The following DAPP1 variants were observed in gnomAD, a reference collection of about 807,000 sequenced individuals.
DAPP1 encodes dual adaptor of phosphotyrosine and 3-phosphoinositides 1.
A neutral mutation model predicts 41.5 loss-of-function variants in DAPP1; 20 were observed. The observed-to-expected ratio is 0.48, with a 90% CI of 0.34 to 0.70. DAPP1 has a LOEUF of 0.70. DAPP1 is among the 30% of genes least tolerant of loss of function. DAPP1 has a pLI of 0.01. For synonymous variants in DAPP1, 113 were observed against 116.2 expected (o/e 0.97, Z 0.18); for missense variants, 233 against 333.4 (o/e 0.70, Z 2.35).
At chr4:99,861,701 A>T in intron 5 of DAPP1, 76 bp downstream of exon 5, 1 of 1,485,224 alleles carries the variant, frequency 6.7e-7, no homozygotes, top group South Asian at 1.2e-5. Context: ...TCTCATCTTG[A>T]TAGTTTTTCT....
intron 3 of DAPP1, among the ~76,000 whole-genome samples, chr4:99,848,484 C>T (rs1723747059): frequency 6.6e-6 from 1 of 151,978 alleles, no homozygotes; most frequent in East Asian, 1.9e-4. Context: ...ATGCCTCGGC[C>T]TCCCAAAGTG....
intron 2 of DAPP1, among the ~76,000 whole-genome samples, chr4:99,838,140 A>C (rs1027186678): frequency 6.6e-6 from 1 of 152,212 alleles, no homozygotes; most frequent in Non-Finnish European, 1.5e-5. Context: ...TCTTCCAAAA[A>C]TGAAAAGTTA....
At chr4:99,860,795 G>A (rs1724210399) in intron 4 of DAPP1, among the ~76,000 whole-genome samples, 2 of 152,118 alleles carry the variant, frequency 1.3e-5, no homozygotes, top group Non-Finnish European at 2.9e-5. Context: ...ATTCTACCAC[G>A]AATTGAATTT....
chr4:99,864,007 C>A, intron 7 of DAPP1, 152 bp downstream of exon 7: 1 of 555,788 alleles, frequency 1.8e-6, no homozygotes, highest in Non-Finnish European at 3.1e-6. Flanking sequence ...CTGAGTGTGA[C>A]ATAACACCTC....
chr4:99,832,395 A>G (rs1723156945), intron 1 of DAPP1, among the ~76,000 whole-genome samples: 2 of 152,260 alleles, frequency 1.3e-5, no homozygotes, highest in Non-Finnish European at 2.9e-5. Flanking sequence ...AGAATGTTCC[A>G]GGAAAGGAAT....
At chr4:99,820,925 A>G (rs956563378) in intron 1 of DAPP1, among the ~76,000 whole-genome samples, 1 of 152,254 alleles carries the variant, frequency 6.6e-6, no homozygotes, top group African/African-American at 2.4e-5. Context: ...AGTCCATACT[A>G]AAACAGGTGT....
rs905249772 is a variant in DAPP1 at position 99,868,240 on chromosome 4, A to G, written c.*55A>G. 2 of 1,464,320 alleles carry G rather than the reference A, an allele frequency of 1.4e-6. No individual in the cohort carries two copies. The highest frequency in any genetic ancestry group is 3.4e-5 in the Admixed American group (2 of 59,092). 90.7% of individuals were successfully genotyped at this position (1,464,320 alleles called of 1,614,324 possible). A position where few individuals can be genotyped will look rare whatever the true frequency, so the allele number is the denominator to read the frequency against. ...AGGAGCAAGGTGGAATGTTTCCCTG[A>G]CGCTGTGATCTGCAGCAGGCTTCAA... On this transcript the variant is annotated 3_prime_UTR_variant, in exon 9 of 9. Coordinates refer to ENST00000512369, the MANE Select transcript of DAPP1 (RefSeq NM_014395.3).
intron 1 of DAPP1, among the ~76,000 whole-genome samples, chr4:99,832,969 G>A (rs574871600): frequency 2.0e-5 from 3 of 152,306 alleles, no homozygotes; most frequent in Admixed American, 2.0e-4. Context: ...AGAATCCAAA[G>A]GAATGTCCAA....
intron 3 of DAPP1, among the ~76,000 whole-genome samples, chr4:99,850,176 G>A (rs935722681): frequency 4.3e-4 from 65 of 152,368 alleles, no homozygotes; most frequent in African/African-American, 1.4e-3. Context: ...TTGGGAGGCC[G>A]AGGCGGGTGG....
intron 1 of DAPP1, among the ~76,000 whole-genome samples, chr4:99,832,378 G>T (rs1723156406): frequency 6.6e-6 from 1 of 152,230 alleles, no homozygotes; most frequent in African/African-American, 2.4e-5. Context: ...TGAAAGAAAT[G>T]CTCATCAGAA....
chr4:99,871,802 A>G (rs1724633397), downstream of DAPP1, among the ~76,000 whole-genome samples: 1 of 152,180 alleles, frequency 6.6e-6, no homozygotes, highest in African/African-American at 2.4e-5. Context: ...TTCGGAGCAC[A>G]TTCTTGACTG....
chr4:99,866,725 A>G (rs1724473406), intron 8 of DAPP1: 4 of 574,554 alleles, frequency 7.0e-6, no homozygotes, highest in South Asian at 4.3e-5. Flanking sequence ...AAAATTTCCT[A>G]TAAATACCAT....
intron 3 of DAPP1, among the ~76,000 whole-genome samples, chr4:99,848,926 G>A (rs1473364796): frequency 6.6e-6 from 1 of 152,142 alleles, no homozygotes; most frequent in Non-Finnish European, 1.5e-5. Context: ...ATACTGGGAG[G>A]TACAATCTCT....
chr4:99,862,381 A>G (rs1279410111), intron 5 of DAPP1, among the ~76,000 whole-genome samples: 1 of 152,304 alleles, frequency 6.6e-6, no homozygotes, highest in East Asian at 1.9e-4. Context: ...CTGTTTGTAT[A>G]TAAGAAGGTA....
At chr4:99,819,996 G>C (rs1722710682) in intron 1 of DAPP1, among the ~76,000 whole-genome samples, 1 of 152,168 alleles carries the variant, frequency 6.6e-6, no homozygotes, top group Admixed American at 6.5e-5. Context: ...CTCATTTATA[G>C]AGTGTCAGCC....
chr4:99,835,222 C>T (rs188634593), intron 1 of DAPP1, among the ~76,000 whole-genome samples: 3 of 152,032 alleles, frequency 2.0e-5, no homozygotes, highest in African/African-American at 2.4e-5. Context: ...TTGGCCGGGC[C>T]GGTCTCGAAC....
chr4:99,856,095 A>T (rs1469839036), intron 4 of DAPP1, among the ~76,000 whole-genome samples: 1 of 152,016 alleles, frequency 6.6e-6, no homozygotes, highest in Non-Finnish European at 1.5e-5. Context: ...TATTAAACAA[A>T]CTTTTTTTTT....
chr4:99,853,131 T>C, intron 3 of DAPP1, 87 bp from the exon 4 acceptor site: 1 of 1,495,614 alleles, frequency 6.7e-7, no homozygotes. Flanking sequence ...ACAAAAGACT[T>C]TCCAATCCAG....
chr4:99,847,367 A>C (rs1247706101), intron 3 of DAPP1, among the ~76,000 whole-genome samples: 1 of 152,186 alleles, frequency 6.6e-6, no homozygotes, highest in Non-Finnish European at 1.5e-5. Context: ...AGGGTCCTTC[A>C]ATGCAATTTC....
Sources: allele counts gnomAD v4.1 joint callset (sites outside exome capture counted in the v4.1 genomes callset), GRCh38; gene constraint gnomAD v4.1.1; transcripts MANE v1.5; gene names NCBI Gene and HGNC (gene_info 2026-07-23, HGNC 2026-07-21).